The following EBF3 variants were observed in gnomAD, a reference collection of about 807,000 sequenced individuals.
EBF3 encodes EBF transcription factor 3.
Under a neutral mutation model 77.1 loss-of-function variants are expected in EBF3, and 18 were observed. The ratio of observed to expected loss-of-function variants is 0.23; its 90% CI spans 0.16 to 0.35. The LOEUF is 0.35. EBF3 is among the 10% of genes least tolerant of loss of function. EBF3 has a pLI of 1.00. For missense variants in EBF3, 558 were observed against 860.0 expected (o/e 0.65, Z 4.39); for synonymous variants, 350 against 343.5 (o/e 1.02, Z -0.21).
chr10:129,923,207 G>A (rs1856433509), intron 6 of EBF3, among the ~76,000 whole-genome samples: 1 of 152,206 alleles, frequency 6.6e-6, no homozygotes, highest in Non-Finnish European at 1.5e-5. Flanking sequence ...ACTTCATGAA[G>A]CACTCGGTGA....
In EBF3 at chr10:129,840,916, C is replaced by G; in HGVS notation, c.1489G>C (p.Ala497Pro). ...STSMNGYGSG[A>P]MASLGVPGSP... is the part of the protein sequence containing the mutation. ...CCAGGGACCCCTAGACTGGCCATGG[C>G]GCCACTTCCATATCCATTCATGCTA... Residue 497 changes from alanine to proline, a missense_variant, in exon 14 of 17, where the codon GCC becomes CCC. By Grantham distance (27) the Ala-to-Pro change is conservative. Coordinates refer to ENST00000440978, the MANE Select transcript of EBF3 (RefSeq NM_001375380.1). The G allele has an allele frequency of 6.2e-7, 1 of 1,614,132 alleles. No homozygotes were observed. Among genetic ancestry groups the G allele is most frequent in the East Asian group, 2.2e-5 (1 of 44,870 alleles).
chr10:129,886,868 C>T (rs1408052886), intron 6 of EBF3, among the ~76,000 whole-genome samples: 1 of 152,034 alleles, frequency 6.6e-6, no homozygotes, highest in Non-Finnish European at 1.5e-5. Flanking sequence ...CCTCTCCTGT[C>T]GTGTGGGGTG....
intron 6 of EBF3, among the ~76,000 whole-genome samples, chr10:129,933,215 C>G (rs1026560979): frequency 1.3e-5 from 2 of 152,156 alleles, no homozygotes; most frequent in African/African-American, 4.8e-5. Flanking sequence ...TGCACCCACA[C>G]ACACACATAC....
intron 11 of EBF3, among the ~76,000 whole-genome samples, chr10:129,846,892 A>G (rs1167636646): frequency 6.6e-6 from 1 of 151,950 alleles, no homozygotes; most frequent in African/African-American, 2.4e-5. Context: ...AAAAATGCCC[A>G]TAACTGAGAA....
At chr10:129,915,783 A>G (rs142398677) in intron 6 of EBF3, among the ~76,000 whole-genome samples, 2 of 152,142 alleles carry the variant, frequency 1.3e-5, no homozygotes, top group Non-Finnish European at 2.9e-5. Flanking sequence ...CGTTTTGTCT[A>G]GAAATTTGGG....
At chr10:129,840,725 A>G (rs1200093475) in intron 14 of EBF3, 119 bp downstream of exon 14, 28 of 1,414,746 alleles carry the variant, frequency 2.0e-5, no homozygotes, top group Non-Finnish European at 2.6e-5. Context: ...CCCAGCCTCC[A>G]GGGCCACCCT....
intron 10 of EBF3, among the ~76,000 whole-genome samples, chr10:129,850,969 G>A (rs1358347121): frequency 6.6e-6 from 1 of 152,204 alleles, no homozygotes; most frequent in Non-Finnish European, 1.5e-5. Context: ...ACGGGCGAGA[G>A]CCCTGCCGAG....
At chr10:129,867,062 T>C in intron 10 of EBF3, 79 bp downstream of exon 10, 2 of 1,529,828 alleles carry the variant, frequency 1.3e-6, no homozygotes, top group Non-Finnish European at 1.8e-6. Flanking sequence ...TGTACAGTCC[T>C]CCCGTGCCCT....
intron 6 of EBF3, among the ~76,000 whole-genome samples, chr10:129,941,465 C>T (rs1343413944): frequency 1.3e-5 from 2 of 152,236 alleles, no homozygotes; most frequent in African/African-American, 2.4e-5. Context: ...GGAAACCCAC[C>T]ACCCGGGGAC....
intron 6 of EBF3, among the ~76,000 whole-genome samples, chr10:129,918,851 A>C (rs1401765798): frequency 6.6e-6 from 1 of 152,196 alleles, no homozygotes; most frequent in Non-Finnish European, 1.5e-5. Flanking sequence ...CTTAGCCCTC[A>C]AACTCCAGTC....
chr10:129,858,004 C>T (rs978700080), intron 10 of EBF3, among the ~76,000 whole-genome samples: 6 of 152,190 alleles, frequency 3.9e-5, no homozygotes, highest in East Asian at 3.9e-4. Flanking sequence ...ACAGGAAAGG[C>T]GAATCACCGA....
intron 6 of EBF3, among the ~76,000 whole-genome samples, chr10:129,949,252 G>C (rs965705266): frequency 6.6e-6 from 1 of 152,226 alleles, no homozygotes; most frequent in African/African-American, 2.4e-5. Flanking sequence ...GGTGAGCCGA[G>C]ATCGTGCCAT....
chr10:129,848,027 A>G lies in EBF3; in HGVS notation c.1128+365T>C, dbSNP rs992491479. On this transcript the variant is annotated intron_variant, in intron 11 of 16. Transcript: ENST00000440978. This position sits in a 1 kb window ranked among gnomAD's most constrained non-coding sequence, Gnocchi z 4.4. ...GACTGGGGCTGCTTAGATGGAAATC[A>G]GAGCAGGCCACTGGAGTGGAAAATG... Among the ~76,000 whole-genome samples, 1 of 152,266 alleles carries G rather than the reference A, an allele frequency of 6.6e-6. No homozygotes were observed. Among genetic ancestry groups the G allele is most frequent in the Non-Finnish European group, 1.5e-5 (1 of 68,046 alleles).
In EBF3 at chr10:129,963,829, C is replaced by A. The variant is rs1346237205; in HGVS notation, c.-61G>T. 3.2e-5 allele frequency: 47 copies of A among 1,457,240 alleles called. No individual in the cohort carries two copies. The highest frequency in any genetic ancestry group is 4.2e-5 in the Non-Finnish European group (46 of 1,091,952). The allele number at this position is 1,457,240 out of a possible 1,614,324, so 90.3% of individuals were successfully genotyped here. On this transcript the variant is annotated 5_prime_UTR_variant, in exon 1 of 17. Transcript: ENST00000440978. This position sits in a 1 kb window ranked among gnomAD's most constrained non-coding sequence, Gnocchi z 7.1. ...AAGCGTTTCCTCGAGCAGCGGCGCT[C>A]GGGGCTTGGCGGCAGGCGGCTGCCC...
rs77582048 is a variant in EBF3, at chr10:129,885,405, C to T, written c.555-7556G>A. On this transcript the variant is annotated intron_variant, in intron 6 of 16. Coordinates refer to ENST00000440978, the MANE Select transcript of EBF3 (RefSeq NM_001375380.1). The surrounding 1 kb of genome is among the most constrained non-coding windows in gnomAD (Gnocchi z 4.0). ...TCCCAGAGCTACAAGCTTCGTCAGC[C>T]ACCCCACTCCGCCCGCTGTCAGTGT... Among the ~76,000 whole-genome samples the T allele has an allele frequency of 8.0e-3, 1,223 of 152,306 alleles. 5 individuals are homozygous for T. The highest frequency in any genetic ancestry group is 0.027 in the Middle Eastern group (8 of 294).
In EBF3 at chr10:129,962,124, C is replaced by A. The variant is rs754294013; in HGVS notation, c.411+47G>T. 23 of 1,607,070 alleles carry A rather than the reference C, an allele frequency of 1.4e-5. No homozygotes were observed. The Admixed American group carries it at 3.2e-4, about 22-fold the overall frequency. ...CCCTTGCCTCTGAAGCCCAGGACAA[C>A]CCAGGCCCAGCAGTGAAAACTCGTG... On this transcript the variant is annotated intron_variant, in intron 4 of 16. Transcript: ENST00000440978.
intron 6 of EBF3, among the ~76,000 whole-genome samples, chr10:129,883,169 G>A (rs370068655): frequency 3.3e-5 from 5 of 152,242 alleles, no homozygotes; most frequent in South Asian, 2.1e-4. Flanking sequence ...TTTCTCCAGC[G>A]CTTGAAAACG....
intron 7 of EBF3, among the ~76,000 whole-genome samples, chr10:129,876,533 C>T (rs934336110): frequency 1.3e-5 from 2 of 152,246 alleles, no homozygotes; most frequent in Non-Finnish European, 2.9e-5. Context: ...CCTCCTCTGA[C>T]CAGCTGACCG....
At chr10:129,956,124 T>A (rs1859018169) in intron 6 of EBF3, among the ~76,000 whole-genome samples, 2 of 152,218 alleles carry the variant, frequency 1.3e-5, no homozygotes, top group South Asian at 4.1e-4. Flanking sequence ...CATTCTCCAC[T>A]AAGCAAACAG....
Sources: allele counts gnomAD v4.1 joint callset (sites outside exome capture counted in the v4.1 genomes callset), GRCh38; gene constraint gnomAD v4.1.1; non-coding constraint Gnocchi (gnomAD v3.1); transcripts MANE v1.5; gene names NCBI Gene and HGNC (gene_info 2026-07-23, HGNC 2026-07-21).